GREB1L: variants seen among roughly 807,000 people sequenced by gnomAD.
GREB1L encodes GREB1 like retinoic acid receptor coactivator.
A neutral mutation model predicts 200.8 loss-of-function variants in GREB1L; 17 were observed. The observed-to-expected ratio is 0.08, with a 90% CI of 0.06 to 0.13. The LOEUF is 0.13. Among genes scored for constraint, GREB1L ranks in the 10% least tolerant of loss-of-function variants. The pLI is 1.00. For missense variants in GREB1L, 1,657 were observed against 2,367.7 expected (o/e 0.70, Z 6.23); for synonymous variants, 789 against 893.0 (o/e 0.88, Z 2.08).
chr18:21,351,301 G>C (rs909371313), intron 1 of GREB1L, among the ~76,000 whole-genome samples: 4 of 152,174 alleles, frequency 2.6e-5, no homozygotes, highest in African/African-American at 4.8e-5. Flanking sequence ...TTGGCCAGGA[G>C]TGATGGTTCA....
At chr18:21,455,677 A>C (rs868169354) in intron 15 of GREB1L, among the ~76,000 whole-genome samples, 16 of 142,356 alleles carry the variant, frequency 1.1e-4, no homozygotes, top group Middle Eastern at 3.6e-3. Context: ...ACCCTCTCCC[A>C]AAAAAAAAAA....
rs201983887 is a variant in GREB1L, at chr18:21,369,959, A to AAAAAG, written c.-10+3838_-10+3842dup. ...GCGAGACTCCATCTCAAAAAAAAAAAAAAAGAAAAGAAAAGAAAAAAGAAA... is the reference window on the plus strand; with the variant it reads ...GCGAGACTCCATCTCAAAAAAAAAAAAAAAGAAAAGAAAAGAAAAGAAAAAAGAAA... On this transcript the variant is annotated intron_variant, in intron 2 of 32. Coordinates refer to ENST00000424526, the MANE Select transcript of GREB1L (RefSeq NM_001142966.3). 8.4e-3 allele frequency among the ~76,000 whole-genome samples: 1,276 copies of AAAAAG among 151,564 alleles called. 13 individuals are homozygous for AAAAAG. Among genetic ancestry groups the AAAAAG allele is most frequent in the African/African-American group, 0.028 (1,164 of 41,248 alleles).
intron 2 of GREB1L, among the ~76,000 whole-genome samples, chr18:21,381,972 G>A (rs1030194720): frequency 2.6e-5 from 4 of 152,172 alleles, no homozygotes; most frequent in African/African-American, 7.2e-5. Flanking sequence ...GTTCTTGAGA[G>A]CACTGTTGAA....
chr18:21,279,501 A>G (rs1450868840), intron 1 of GREB1L, among the ~76,000 whole-genome samples: 1 of 152,198 alleles, frequency 6.6e-6, no homozygotes, highest in Non-Finnish European at 1.5e-5. Context: ...TTCAGTTGAA[A>G]GTTATACTTT....
At chr18:21,382,054 G>T (rs1249385745) in intron 2 of GREB1L, among the ~76,000 whole-genome samples, 1 of 152,164 alleles carries the variant, frequency 6.6e-6, no homozygotes, top group African/African-American at 2.4e-5. Context: ...AATAGTTTCA[G>T]ATAGTTTTGG....
chr18:21,508,133 C>T lies in GREB1L; in HGVS notation c.4384C>T (p.Leu1462Phe). 1 of 1,551,658 alleles carries T rather than the reference C, an allele frequency of 6.4e-7. No homozygotes were observed. The change falls in exon 26 of 33, where the codon CTT becomes TTT. Residue 1462 changes from leucine (L) to phenylalanine (F), a missense_variant. Leu to Phe is a conservative substitution (Grantham distance 22, BLOSUM62 0). Coordinates refer to ENST00000424526, the MANE Select transcript of GREB1L (RefSeq NM_001142966.3). ...TSASQMSDST[L>F]HAFTFSSSML... The stretch of plus-strand genomic sequence containing the variant: ...GCAAATGTAGATGTCTGACTCCACC[C>T]TTCATGCCTTCACATTCTCTTCTTC...
chr18:21,440,287 G>A lies in GREB1L; in HGVS notation c.968G>A (p.Gly323Glu). 2 of 1,550,958 alleles carry A rather than the reference G, an allele frequency of 1.3e-6. No individual in the cohort carries two copies. The highest frequency in any genetic ancestry group is 1.7e-6 in the Non-Finnish European group (2 of 1,146,828). ...TCTTCAGCTACCATGTTCATTTCTGGGCCACCAAAGAAACGACACCGGGGA... is the reference window on the plus strand; with the variant it reads ...TCTTCAGCTACCATGTTCATTTCTGAGCCACCAAAGAAACGACACCGGGGA... ...SGDQATMFIS[G>E]PPKKRHRGWY... Residue 323 changes from glycine to glutamate, a missense_variant, in exon 9 of 33, where the codon GGG becomes GAG. Coordinates refer to ENST00000424526, the MANE Select transcript of GREB1L (RefSeq NM_001142966.3).
rs2033317466 is a variant in GREB1L at position 21,433,561 on chromosome 18, T to C, written c.833-5960T>C. Among the ~76,000 whole-genome samples the C allele has an allele frequency of 2.0e-5, 3 of 152,186 alleles. No homozygotes were observed. The East Asian group carries it at 5.8e-4, about 29-fold the overall frequency. On this transcript the variant is annotated intron_variant, in intron 7 of 32. Coordinates refer to ENST00000424526, the MANE Select transcript of GREB1L (RefSeq NM_001142966.3). ...TCTTCAGTTTCCCACAACTTTGTAATGTTGTGTGTGCACTGGGTCCTTCCA... is the reference window on the plus strand; with the variant it reads ...TCTTCAGTTTCCCACAACTTTGTAACGTTGTGTGTGCACTGGGTCCTTCCA...
At chr18:21,258,774 G>A (rs2037842216) in intron 1 of GREB1L, among the ~76,000 whole-genome samples, 1 of 152,138 alleles carries the variant, frequency 6.6e-6, no homozygotes, top group African/African-American at 2.4e-5. Context: ...CTTCGTGCGT[G>A]TTCAATTGAT....
chr18:21,351,124 A>G (rs965401121), intron 1 of GREB1L, among the ~76,000 whole-genome samples: 5 of 152,140 alleles, frequency 3.3e-5, no homozygotes, highest in Non-Finnish European at 5.9e-5. Context: ...GAAATGTAAC[A>G]TTTATTCAAA....
intron 7 of GREB1L, among the ~76,000 whole-genome samples, chr18:21,430,294 G>T (rs1306510464): frequency 6.6e-6 from 1 of 151,122 alleles, no homozygotes; most frequent in Non-Finnish European, 1.5e-5. Flanking sequence ...CTTTAAGGTT[G>T]CCAGTGATGC....
intron 15 of GREB1L, among the ~76,000 whole-genome samples, chr18:21,470,247 G>A (rs2035429271): frequency 6.6e-6 from 1 of 152,056 alleles, no homozygotes. Flanking sequence ...GTGATCACAC[G>A]ACTGCACTCA....
At chr18:21,283,174 C>A (rs2038299567) in intron 1 of GREB1L, among the ~76,000 whole-genome samples, 1 of 152,118 alleles carries the variant, frequency 6.6e-6, no homozygotes, top group African/African-American at 2.4e-5. Context: ...TTTTAATGTA[C>A]CTCAGAAAAT....
chr18:21,296,966 G>A (rs1348692470), intron 1 of GREB1L, among the ~76,000 whole-genome samples: 1 of 152,002 alleles, frequency 6.6e-6, no homozygotes, highest in Non-Finnish European at 1.5e-5. Context: ...ATTGATCTAA[G>A]GTATAGCTTG....
intron 2 of GREB1L, among the ~76,000 whole-genome samples, chr18:21,371,173 T>C (rs952940331): frequency 6.6e-6 from 1 of 152,218 alleles, no homozygotes; most frequent in Non-Finnish European, 1.5e-5. Flanking sequence ...AGCTGCCACA[T>C]GTGGCTAGTG....
chr18:21,397,524 C>CAAA lies in GREB1L; in HGVS notation c.532+1980_532+1982dup, dbSNP rs10719044. ...TGGGGGACAGAGCGAGACTCCGTCT[C>CAAA]AAAAAAAAAAAAAAAAAAATAATAA... On this transcript the variant is annotated intron_variant, in intron 5 of 32. Transcript: ENST00000424526. Among the ~76,000 whole-genome samples the CAAA allele has an allele frequency of 9.9e-3, 1,019 of 103,268 alleles. 19 individuals are homozygous for CAAA. The highest frequency in any genetic ancestry group is 0.033 in the African/African-American group (956 of 29,292). The allele number at this position is 103,268 out of a possible 152,430, so 67.7% of individuals were successfully genotyped here.
At chr18:21,463,484 T>C (rs1323322046) in intron 15 of GREB1L, among the ~76,000 whole-genome samples, 1 of 152,146 alleles carries the variant, frequency 6.6e-6, no homozygotes, top group Non-Finnish European at 1.5e-5. Flanking sequence ...AAATGAAAGA[T>C]GGGAACTTCA....
chr18:21,494,406 C>G (rs529014288), intron 19 of GREB1L, among the ~76,000 whole-genome samples: 121 of 152,196 alleles, frequency 8.0e-4, no homozygotes, highest in African/African-American at 2.8e-3. Flanking sequence ...TTTATTGAGC[C>G]TTTTCTTTAT....
chr18:21,343,937 G>A (rs761243209), intron 1 of GREB1L, among the ~76,000 whole-genome samples: 1 of 151,734 alleles, frequency 6.6e-6, no homozygotes. Flanking sequence ...CACCATGCCC[G>A]GCTAATTTTT....
Sources: allele counts gnomAD v4.1 joint callset (sites outside exome capture counted in the v4.1 genomes callset), GRCh38; gene constraint gnomAD v4.1.1; transcripts MANE v1.5; gene names NCBI Gene and HGNC (gene_info 2026-07-23, HGNC 2026-07-21).